The following CFAP299 variants were observed in gnomAD, a reference collection of about 807,000 sequenced individuals.
CFAP299 encodes cilia- and flagella-associated protein 299.
CFAP299 carries 21 observed loss-of-function variants against 27.0 expected under a neutral mutation model. That is an observed-to-expected ratio of 0.78 (90% CI 0.55 to 1.12). The LOEUF (loss-of-function observed/expected upper bound fraction) is 1.12. Among genes scored for constraint, CFAP299 ranks in the 50% most tolerant of loss-of-function variants. The probability of loss-of-function intolerance (pLI) is 0.00; values close to 1 mark genes in which losing one functional copy is unlikely to be tolerated. For synonymous variants in CFAP299, 104 were observed against 98.1 expected (o/e 1.06, Z -0.36); for missense variants, 310 against 276.6 (o/e 1.12, Z -0.86).
chr4:80,675,578 A>G (rs1560692058), intron 3 of CFAP299, among the ~76,000 whole-genome samples: 1 of 152,200 alleles, frequency 6.6e-6, no homozygotes, highest in African/African-American at 2.4e-5. Context: ...CAGAGCTGTC[A>G]GACAGGGACA....
At chr4:80,743,135 G>A (rs952195643) in intron 3 of CFAP299, among the ~76,000 whole-genome samples, 5 of 152,046 alleles carry the variant, frequency 3.3e-5, no homozygotes, top group Admixed American at 6.6e-5. Flanking sequence ...GCTCATGCCT[G>A]TAATAATCTC....
intron 2 of CFAP299, among the ~76,000 whole-genome samples, chr4:80,378,617 G>T (rs1724542707): frequency 6.6e-6 from 1 of 151,908 alleles, no homozygotes; most frequent in Non-Finnish European, 1.5e-5. Flanking sequence ...TATTTGACAT[G>T]AATGGATATT....
chr4:80,427,378 A>G (rs1276506489), intron 2 of CFAP299, among the ~76,000 whole-genome samples: 1 of 152,146 alleles, frequency 6.6e-6, no homozygotes, highest in East Asian at 1.9e-4. Context: ...TAGTGCCTAT[A>G]TGTGTGAAAT....
At chr4:80,924,828 C>T (rs1381748806) in intron 4 of CFAP299, among the ~76,000 whole-genome samples, 3 of 151,408 alleles carry the variant, frequency 2.0e-5, no homozygotes, top group Non-Finnish European at 4.4e-5. Context: ...ATTTTACTCA[C>T]ATTTCTTTTA....
At chr4:80,614,601 A>G (rs1269146437) in intron 3 of CFAP299, among the ~76,000 whole-genome samples, 6 of 152,160 alleles carry the variant, frequency 3.9e-5, no homozygotes, top group African/African-American at 1.4e-4. Flanking sequence ...GAGCAAAGTT[A>G]ATGTAGTTTG....
At chr4:80,778,646 T>A (rs1275030254) in intron 3 of CFAP299, among the ~76,000 whole-genome samples, 1 of 152,024 alleles carries the variant, frequency 6.6e-6, no homozygotes, top group Non-Finnish European at 1.5e-5. Flanking sequence ...TTCCTCTTCA[T>A]GTAAACCAAT....
intron 3 of CFAP299, among the ~76,000 whole-genome samples, chr4:80,681,821 T>C (rs1333380171): frequency 6.6e-6 from 1 of 152,182 alleles, no homozygotes. Flanking sequence ...AACATTTTGA[T>C]GTGTGGAAAC....
rs1439870785 is a variant in CFAP299, at chr4:80,583,146, C to T, written c.296C>T (p.Ala99Val). The change falls in exon 3 of 6, where the codon GCA (alanine) becomes GTA (valine). Residue 99 changes from alanine (A) to valine (V), a missense_variant. By Grantham distance (64) the Ala-to-Val change is moderately conservative (BLOSUM62 0). Coordinates refer to ENST00000358105, the MANE Select transcript of CFAP299 (RefSeq NM_152770.3). ...DLQDNFLTAL[A>V]MREEDNRSGK... is the part of the protein sequence containing the mutation. ...CAAGATAATTTTCTGACGGCCCTGG[C>T]AATGAGAGAAGAAGACAATCGCAGT... 5.0e-6 allele frequency: 8 copies of T among 1,605,302 alleles called. No individual in the cohort carries two copies. The highest frequency in any genetic ancestry group is 6.8e-6 in the Non-Finnish European group (8 of 1,174,458).
intron 3 of CFAP299, among the ~76,000 whole-genome samples, chr4:80,621,526 T>C (rs182993106): frequency 6.6e-6 from 1 of 152,256 alleles, no homozygotes; most frequent in Admixed American, 6.6e-5. Context: ...AATGAATTCT[T>C]ACAGCTAGTT....
intron 3 of CFAP299, among the ~76,000 whole-genome samples, chr4:80,850,589 A>G (rs1354362948): frequency 1.3e-5 from 2 of 152,060 alleles, no homozygotes; most frequent in Admixed American, 6.6e-5. Context: ...AAGGAATTAT[A>G]TGTAAGGGAG....
intron 2 of CFAP299, among the ~76,000 whole-genome samples, chr4:80,510,339 G>C (rs1732234872): frequency 6.6e-6 from 1 of 152,180 alleles, no homozygotes; most frequent in South Asian, 2.1e-4. Context: ...TCTAGCTGCT[G>C]TGAGTGCTGG....
chr4:80,332,417 C>A (rs1179139209), upstream of CFAP299, among the ~76,000 whole-genome samples: 1 of 151,836 alleles, frequency 6.6e-6, no homozygotes, highest in Admixed American at 6.6e-5. Context: ...AAATTAACAA[C>A]AAAGAAGAGA....
At chr4:80,541,056 T>A (rs565788501) in intron 2 of CFAP299, among the ~76,000 whole-genome samples, 132 of 152,246 alleles carry the variant, frequency 8.7e-4, no homozygotes, top group Non-Finnish European at 1.6e-3. Context: ...AAAAGAGAAA[T>A]TTGCTTCCCC....
chr4:80,801,982 G>T (rs1030274200), intron 3 of CFAP299, among the ~76,000 whole-genome samples: 8 of 151,966 alleles, frequency 5.3e-5, no homozygotes, highest in African/African-American at 9.7e-5. Context: ...ATGTTGTTTT[G>T]TCTCTAAAAA....
chr4:80,772,303 A>G (rs1726264857), intron 3 of CFAP299, among the ~76,000 whole-genome samples: 1 of 152,176 alleles, frequency 6.6e-6, no homozygotes, highest in Admixed American at 6.5e-5. Flanking sequence ...TTGCCAGACA[A>G]TAGTGTGGTG....
chr4:80,383,622 G>T (rs1213529095), intron 2 of CFAP299, among the ~76,000 whole-genome samples: 2 of 152,090 alleles, frequency 1.3e-5, no homozygotes, highest in Non-Finnish European at 2.9e-5. Flanking sequence ...ATGTTTTATT[G>T]TGATAGTCTT....
At chr4:80,706,180 T>TA (rs1478622824) in intron 3 of CFAP299, among the ~76,000 whole-genome samples, 4 of 151,794 alleles carry the variant, frequency 2.6e-5, no homozygotes, top group African/African-American at 7.2e-5. Context: ...TGTAGGCTCT[T>TA]ATAAGCAAGT....
intron 3 of CFAP299, among the ~76,000 whole-genome samples, chr4:80,645,122 G>C (rs1739935265): frequency 6.6e-6 from 1 of 151,908 alleles, no homozygotes; most frequent in African/African-American, 2.4e-5. Context: ...AAGTTTCTCA[G>C]GCTAAACTCC....
chr4:80,474,064 G>T (rs1016585819), intron 2 of CFAP299, among the ~76,000 whole-genome samples: 2 of 151,958 alleles, frequency 1.3e-5, no homozygotes, highest in Non-Finnish European at 2.9e-5. Context: ...ATGTCTCAAG[G>T]TCCTCCAATA....
Sources: allele counts gnomAD v4.1 joint callset (sites outside exome capture counted in the v4.1 genomes callset), GRCh38; gene constraint gnomAD v4.1.1; transcripts MANE v1.5; gene names NCBI Gene and HGNC (gene_info 2026-07-23, HGNC 2026-07-21).